AGBL1: variants seen among roughly 807,000 people sequenced by gnomAD.
AGBL1 encodes cytosolic carboxypeptidase 4.
In AGBL1, 130 loss-of-function variants were observed where a neutral mutation model predicts 118.9. The ratio of observed to expected loss-of-function variants is 1.09; its 90% CI spans 0.95 to 1.26. AGBL1 has a LOEUF of 1.26. AGBL1 is among the 50% of genes most tolerant of loss of function. The probability of loss-of-function intolerance (pLI) is 0.00; values close to 1 mark genes in which losing one functional copy is unlikely to be tolerated. For missense variants in AGBL1, 1,584 were observed against 1,298.1 expected, an observed-to-expected ratio of 1.22 and a Z score of -3.38; for synonymous variants, 555 against 478.9, an observed-to-expected ratio of 1.16 and a Z score of -2.08.
intron 22 of AGBL1, among the ~76,000 whole-genome samples, chr15:86,827,958 T>TTTTTA (rs2079054035): frequency 7.5e-6 from 1 of 133,934 alleles, no homozygotes; most frequent in Admixed American, 7.6e-5. Context: ...TTTTTTTTTT[T>TTTTTA]GAGACAGTAT....
chr15:86,649,005 C>A (rs945760668), intron 21 of AGBL1, among the ~76,000 whole-genome samples: 1 of 150,260 alleles, frequency 6.7e-6, no homozygotes, highest in Admixed American at 6.6e-5. Context: ...TATGAAGAGA[C>A]CCTTTTTAAG....
At chr15:86,894,522 G>A (rs928553833) in intron 22 of AGBL1, among the ~76,000 whole-genome samples, 4 of 152,146 alleles carry the variant, frequency 2.6e-5, no homozygotes, top group Non-Finnish European at 5.9e-5. Flanking sequence ...TCCTGGACAC[G>A]GGCTGTGTTG....
chr15:86,959,487 A>G (rs948755179), intron 23 of AGBL1, among the ~76,000 whole-genome samples: 3 of 151,946 alleles, frequency 2.0e-5, no homozygotes, highest in African/African-American at 7.2e-5. Flanking sequence ...TGCACTTTCC[A>G]TTTTCTGTTT....
chr15:86,408,637 T>G (rs2081568268), intron 18 of AGBL1, among the ~76,000 whole-genome samples: 1 of 152,180 alleles, frequency 6.6e-6, no homozygotes, highest in South Asian at 2.1e-4. Flanking sequence ...CTTCATTTGG[T>G]TTTTAGAAAA....
intron 22 of AGBL1, among the ~76,000 whole-genome samples, chr15:86,818,110 GAC>G (rs562324741): frequency 2.7e-4 from 40 of 149,934 alleles, no homozygotes; most frequent in South Asian, 1.1e-3. Context: ...GCGTGTATGT[GAC>G]ACACACACAC....
intron 18 of AGBL1, among the ~76,000 whole-genome samples, chr15:86,456,278 G>A (rs898895573): frequency 2.0e-5 from 3 of 152,112 alleles, no homozygotes; most frequent in African/African-American, 7.2e-5. Flanking sequence ...ACTGAAAAAA[G>A]ACACAAAGGA....
intron 21 of AGBL1, 56 bp downstream of exon 21, chr15:86,554,593 T>C (rs183542104): frequency 4.5e-5 from 62 of 1,383,028 alleles, no homozygotes; most frequent in Non-Finnish European, 5.7e-5. Flanking sequence ...ACATAGAAAT[T>C]ATAGACAGCT....
chr15:86,248,333 C>A (rs540317657), intron 7 of AGBL1, among the ~76,000 whole-genome samples: 13 of 152,238 alleles, frequency 8.5e-5, no homozygotes, highest in Admixed American at 3.3e-4. Context: ...ACAGCAACGG[C>A]AACAATAAAA....
At chr15:86,742,933 T>G (rs1208546142) in intron 22 of AGBL1, among the ~76,000 whole-genome samples, 1 of 152,184 alleles carries the variant, frequency 6.6e-6, no homozygotes, top group African/African-American at 2.4e-5. Flanking sequence ...CAATGCTTGT[T>G]ATATGGATAA....
At chr15:86,724,965 T>C (rs1014615920) in intron 22 of AGBL1, among the ~76,000 whole-genome samples, 8 of 152,186 alleles carry the variant, frequency 5.3e-5, no homozygotes, top group African/African-American at 1.9e-4. Context: ...TTAAACCTTG[T>C]TTCTTTATAA....
chr15:86,104,004 A>T (rs1039946554), intron 1 of AGBL1, among the ~76,000 whole-genome samples: 1 of 152,064 alleles, frequency 6.6e-6, no homozygotes, highest in Non-Finnish European at 1.5e-5. Context: ...AGCAGCTGTG[A>T]TGGGTGAGGA....
intron 9 of AGBL1, among the ~76,000 whole-genome samples, 191 bp downstream of exon 9, chr15:86,258,222 G>A (rs1345127811): frequency 6.6e-6 from 1 of 152,132 alleles, no homozygotes; most frequent in East Asian, 1.9e-4. Context: ...TTTCATCTTG[G>A]TAGGTCCGGT....
chr15:86,667,501 C>T (rs1218097913), intron 21 of AGBL1, among the ~76,000 whole-genome samples: 1 of 152,202 alleles, frequency 6.6e-6, no homozygotes, highest in Middle Eastern at 3.4e-3. Flanking sequence ...ATATCTTGCT[C>T]CACTGTCTTA....
chr15:86,828,525 A>T (rs2079062831), intron 22 of AGBL1, among the ~76,000 whole-genome samples: 1 of 152,076 alleles, frequency 6.6e-6, no homozygotes, highest in South Asian at 2.1e-4. Flanking sequence ...GACTGTAGAG[A>T]TGCACTTTGA....
Position 86,992,951 on chromosome 15 carries a change from A to G in AGBL1, c.3323+4863A>G, listed in dbSNP as rs545778173. Among the ~76,000 whole-genome samples the G allele has an allele frequency of 2.6e-5, 4 of 152,254 alleles. No homozygotes were observed. In the East Asian group the frequency reaches 7.7e-4, roughly 29 times the overall value. On this transcript the variant is annotated intron_variant, in intron 24 of 24. Transcript: ENST00000441037. ...TATGCAAAGAGACATGAGCATCCCTAAAATATCTCCAGTGTGGTGAGTGTG... is the reference window on the plus strand; with the variant it reads ...TATGCAAAGAGACATGAGCATCCCTGAAATATCTCCAGTGTGGTGAGTGTG...
chr15:86,868,598 G>A (rs533063445), intron 22 of AGBL1, among the ~76,000 whole-genome samples: 1 of 152,332 alleles, frequency 6.6e-6, no homozygotes, highest in Non-Finnish European at 1.5e-5. Flanking sequence ...ACATAGGCGT[G>A]TAAAGCATTC....
At chr15:86,765,232 G>A (rs925096694) in intron 22 of AGBL1, among the ~76,000 whole-genome samples, 7 of 151,854 alleles carry the variant, frequency 4.6e-5, no homozygotes, top group African/African-American at 1.7e-4. Flanking sequence ...CAGTTTCTTT[G>A]CCTTCTTCCC....
intron 21 of AGBL1, among the ~76,000 whole-genome samples, chr15:86,620,310 A>G (rs2084785836): frequency 6.6e-6 from 1 of 152,238 alleles, no homozygotes; most frequent in African/African-American, 2.4e-5. Context: ...CTTTCCTCAA[A>G]GGAAATGACT....
intron 22 of AGBL1, among the ~76,000 whole-genome samples, chr15:86,891,206 A>T (rs925178782): frequency 6.6e-6 from 1 of 152,094 alleles, no homozygotes; most frequent in African/African-American, 2.4e-5. Flanking sequence ...GGTGTATAGG[A>T]ATGCTAGCAA....
Sources: gnomAD v4.1 joint callset for allele counts (sites outside exome capture counted in the v4.1 genomes callset) on GRCh38, gnomAD v4.1.1 for gene constraint, MANE v1.5 for transcripts, NCBI Gene and HGNC (gene_info 2026-07-23, HGNC 2026-07-21) for gene names.